Variants in RGS10 observed in about 807,000 individuals in gnomAD.
The protein encoded by RGS10 is regulator of G protein signaling 10, also known as regulator of G-protein signalling 10.
In RGS10, 11 loss-of-function variants were observed where a neutral mutation model predicts 23.5. That is an observed-to-expected ratio of 0.47 (90% CI 0.29 to 0.77). The LOEUF (loss-of-function observed/expected upper bound fraction) is 0.77. Ranked by LOEUF, RGS10 falls within the 30% of genes least tolerant of loss-of-function variation. The probability of loss-of-function intolerance (pLI) is 0.08; values close to 1 mark genes in which losing one functional copy is unlikely to be tolerated. For synonymous variants in RGS10, 77 were observed against 83.2 expected (o/e 0.92, Z 0.41); for missense variants, 180 against 226.3 (o/e 0.80, Z 1.31).
rs1186852436 is a variant in RGS10, at chr10:119,524,253, C to A, written c.255+1779G>T. ...TTCAGTGCTGGGCACCAAGCAGGCA[C>A]TTCACAAAGATTTGGGGAATTCAAC... On this transcript the variant is annotated intron_variant, in intron 3 of 4. Coordinates refer to ENST00000369103, the MANE Select transcript of RGS10 (RefSeq NM_001005339.2). The surrounding 1 kb of genome is among the most constrained non-coding windows in gnomAD (Gnocchi z 5.2). Among the ~76,000 whole-genome samples the A allele has an allele frequency of 6.6e-6, 1 of 152,308 alleles. No individual in the cohort carries two copies. Among genetic ancestry groups the A allele is most frequent in the East Asian group, 1.9e-4 (1 of 5,182 alleles).
At chr10:119,503,336 T>C (rs1325464483) in intron 4 of RGS10, among the ~76,000 whole-genome samples, 1 of 144,020 alleles carries the variant, frequency 6.9e-6, no homozygotes, top group African/African-American at 2.6e-5. Context: ...CCAGACCCTG[T>C]CTCAAAAAAA....
At chr10:119,520,556 C>T (rs528089510) in intron 3 of RGS10, among the ~76,000 whole-genome samples, 6 of 152,098 alleles carry the variant, frequency 3.9e-5, no homozygotes, top group East Asian at 3.9e-4. Flanking sequence ...AGGGAGGCTC[C>T]GGAACAGAGA....
At chr10:119,540,889 C>A (rs1265553755) in intron 1 of RGS10, among the ~76,000 whole-genome samples, 2 of 152,174 alleles carry the variant, frequency 1.3e-5, no homozygotes, top group Admixed American at 6.5e-5. Flanking sequence ...AGTATTTAAT[C>A]CCATAACCCT....
At chr10:119,507,712 G>T (rs1180830881) in intron 4 of RGS10, among the ~76,000 whole-genome samples, 1 of 150,188 alleles carries the variant, frequency 6.7e-6, no homozygotes, top group Non-Finnish European at 1.5e-5. Flanking sequence ...AGACTCCCAA[G>T]TAGCTGGGAT....
chr10:119,513,663 A>G (rs1374090689), intron 4 of RGS10, among the ~76,000 whole-genome samples: 1 of 152,166 alleles, frequency 6.6e-6, no homozygotes, highest in African/African-American at 2.4e-5. Flanking sequence ...CAGAGCCTGC[A>G]GTGCTACCGC....
At chr10:119,504,292 C>T (rs1243005824) in intron 4 of RGS10, among the ~76,000 whole-genome samples, 2 of 152,176 alleles carry the variant, frequency 1.3e-5, no homozygotes, top group Admixed American at 1.3e-4. Context: ...TGGGTTCAAG[C>T]GATTCTCCTG....
At position 119,527,491 on chromosome 10, in the gene RGS10, A is replaced by G; in HGVS notation, c.50-67T>C. 1 of 1,246,294 alleles carries G rather than the reference A, an allele frequency of 8.0e-7. No individual in the cohort carries two copies. The highest frequency in any genetic ancestry group is 1.2e-6 in the Non-Finnish European group (1 of 848,400). 77.2% of individuals were successfully genotyped at this position (1,246,294 alleles called of 1,614,324 possible). A position where few individuals can be genotyped will look rare whatever the true frequency, so the allele number is the denominator to read the frequency against. On this transcript the variant is annotated intron_variant, in intron 1 of 4. Coordinates refer to ENST00000369103, the MANE Select transcript of RGS10 (RefSeq NM_001005339.2). The surrounding 1 kb of genome is among the most constrained non-coding windows in gnomAD (Gnocchi z 4.2). ...CTGTCATTTTAAGAAATCTGCATGC[A>G]ATGGTCAGCACTGCCGTCACCATCA...
chr10:119,513,350 C>T (rs1176057089), intron 4 of RGS10, among the ~76,000 whole-genome samples: 1 of 152,108 alleles, frequency 6.6e-6, no homozygotes, highest in African/African-American at 2.4e-5. Context: ...GTCTCAGCTA[C>T]TTGGGAGGTT....
intron 1 of RGS10, among the ~76,000 whole-genome samples, chr10:119,534,470 A>G (rs2133960372): frequency 6.6e-6 from 1 of 150,682 alleles, no homozygotes; most frequent in Middle Eastern, 3.4e-3. Context: ...ACGTGCCTAT[A>G]GTCTCAGCTA....
At chr10:119,508,395 T>C (rs112913917) in intron 4 of RGS10, among the ~76,000 whole-genome samples, 130 of 152,300 alleles carry the variant, frequency 8.5e-4, no homozygotes, top group African/African-American at 2.9e-3. Flanking sequence ...TTCTCTTCCA[T>C]GGACTGAGAA....
At chr10:119,539,957 TA>T (rs1653188954) in intron 1 of RGS10, among the ~76,000 whole-genome samples, 1 of 42,486 alleles carries the variant, frequency 2.4e-5, no homozygotes, top group Non-Finnish European at 6.9e-5. Context: ...AATTCAAAAT[TA>T]CAAAAAAAAA....
intron 4 of RGS10, among the ~76,000 whole-genome samples, chr10:119,500,667 C>T (rs1050010340): frequency 1.3e-5 from 2 of 150,920 alleles, no homozygotes; most frequent in Non-Finnish European, 2.9e-5. Flanking sequence ...TTAAAAAGAT[C>T]ACTGACATAT....
chr10:119,502,134 A>C (rs1385511474), intron 4 of RGS10, among the ~76,000 whole-genome samples: 1 of 147,484 alleles, frequency 6.8e-6, no homozygotes, highest in Non-Finnish European at 1.5e-5. Context: ...AGGTTTACAG[A>C]AAAAAAAAAC....
At chr10:119,534,190 A>G (rs552534118) in intron 1 of RGS10, among the ~76,000 whole-genome samples, 1 of 151,858 alleles carries the variant, frequency 6.6e-6, no homozygotes, top group South Asian at 2.1e-4. Context: ...CGGGAGGCGG[A>G]GGTTGCAGTG....
intron 3 of RGS10, among the ~76,000 whole-genome samples, chr10:119,522,650 G>A (rs1353515475): frequency 6.6e-6 from 1 of 151,614 alleles, no homozygotes; most frequent in African/African-American, 2.4e-5. Flanking sequence ...CCCGGGAGGC[G>A]GAGATTGCAG....
chr10:119,541,326 C>A (rs901121755), intron 1 of RGS10, among the ~76,000 whole-genome samples: 1 of 152,182 alleles, frequency 6.6e-6, no homozygotes, highest in Admixed American at 6.5e-5. Context: ...CTAACGCTAA[C>A]GGAGCACTTA....
intron 4 of RGS10, 199 bp downstream of exon 4, chr10:119,515,310 G>T (rs1468666350): frequency 2.0e-5 from 12 of 612,156 alleles, no homozygotes; most frequent in Non-Finnish European, 3.4e-5. Flanking sequence ...AGGCCTGGGG[G>T]GACTCCTGTG....
rs1338470105 is a variant in RGS10 at position 119,524,596 on chromosome 10, G to A, written c.255+1436C>T. Among the ~76,000 whole-genome samples the A allele has an allele frequency of 1.3e-5, 2 of 152,090 alleles. No individual in the cohort carries two copies. The highest frequency in any genetic ancestry group is 1.5e-5 in the Non-Finnish European group (1 of 68,012). On this transcript the variant is annotated intron_variant, in intron 3 of 4. Transcript: ENST00000369103. The surrounding 1 kb of genome is among the most constrained non-coding windows in gnomAD (Gnocchi z 5.2). ...TGCTGGAGACAAAGGACAACAATGA[G>A]GCTCTTGTTCTGAAGGCCCTCAGCC...
chr10:119,538,699 T>C lies in RGS10; in HGVS notation c.49+3891A>G, dbSNP rs1844411048. On this transcript the variant is annotated intron_variant, in intron 1 of 4. Transcript: ENST00000369103. This position sits in a 1 kb window ranked among gnomAD's most constrained non-coding sequence, Gnocchi z 4.5. ...TGGAAGGGAAATTTGTCCCCACAAG[T>C]CTGCAAGGGACTGTCTCACTCCAGC... Among the ~76,000 whole-genome samples, 1 of 152,038 alleles carries C rather than the reference T, an allele frequency of 6.6e-6. No homozygotes were observed. The highest frequency in any genetic ancestry group is 2.4e-5 in the African/African-American group (1 of 41,372).
Sources: allele counts gnomAD v4.1 joint callset (sites outside exome capture counted in the v4.1 genomes callset), GRCh38; gene constraint gnomAD v4.1.1; non-coding constraint Gnocchi (gnomAD v3.1); transcripts MANE v1.5; gene names NCBI Gene and HGNC (gene_info 2026-07-23, HGNC 2026-07-21).